TIA1: variants seen among roughly 807,000 people sequenced by gnomAD.
TIA1 encodes the protein cytotoxic granule associated RNA binding protein TIA1.
TIA1 carries 23 observed loss-of-function variants against 65.9 expected under a neutral mutation model. The ratio of observed to expected loss-of-function variants is 0.35; its 90% CI spans 0.25 to 0.49. The LOEUF (loss-of-function observed/expected upper bound fraction) is 0.49. Ranked by LOEUF, TIA1 falls within the 20% of genes least tolerant of loss-of-function variation. TIA1 has a pLI of 0.98. For missense variants in TIA1, 371 were observed against 477.9 expected, an observed-to-expected ratio of 0.78 and a Z score of 2.09; for synonymous variants, 147 against 149.4, an observed-to-expected ratio of 0.98 and a Z score of 0.12.
rs775795178 is a variant in TIA1 at position 70,230,863 on chromosome 2, G to A, written c.124-9C>T. On this transcript the variant is annotated splice_polypyrimidine_tract_variant and intron_variant, in intron 2 of 12. Transcript: ENST00000433529. The stretch of plus-strand genomic sequence containing the variant: ...GGATCATTTCCAGCTGTCTGTGGGA[G>A]AAGAAACACAAAAGCCAATTTTAAG... The A allele has an allele frequency of 3.1e-6, 5 of 1,588,668 alleles. No individual in the cohort carries two copies. Among genetic ancestry groups the A allele is most frequent in the Non-Finnish European group, 4.3e-6 (5 of 1,171,026 alleles).
At chr2:70,242,336 A>G (rs1359695393) in intron 1 of TIA1, among the ~76,000 whole-genome samples, 1 of 151,850 alleles carries the variant, frequency 6.6e-6, no homozygotes, top group Non-Finnish European at 1.5e-5. Flanking sequence ...GTTCGAGATC[A>G]GCCTGGCCAA....
intron 1 of TIA1, among the ~76,000 whole-genome samples, chr2:70,243,656 C>T (rs1266366631): frequency 6.6e-6 from 1 of 152,148 alleles, no homozygotes; most frequent in Non-Finnish European, 1.5e-5. Flanking sequence ...TAAGGGATAT[C>T]GATCCTCAAG....
chr2:70,213,043 T>A (rs895926303), intron 12 of TIA1, among the ~76,000 whole-genome samples, 198 bp from the exon 13 acceptor site: 1 of 152,250 alleles, frequency 6.6e-6, no homozygotes, highest in African/African-American at 2.4e-5. Context: ...CATCCCTGTA[T>A]GTTTAATTTG....
At position 70,211,018 on chromosome 2, in the gene TIA1, T is replaced by C. The variant is rs896106368; in HGVS notation, c.*1701A>G. ...TGGCTTAGAGACCAGCTTGGAGTCA[T>C]TTGCCCCTACCCGGGAAATGCAGGC... On this transcript the variant is annotated 3_prime_UTR_variant, in exon 13 of 13. Coordinates refer to ENST00000433529, the MANE Select transcript of TIA1 (RefSeq NM_022173.4). 2.0e-5 allele frequency: 3 copies of C among 152,306 alleles called. No individual in the cohort carries two copies. The highest frequency in any genetic ancestry group is 7.2e-5 in the African/African-American group (3 of 41,568). The allele number at this position is 152,306 out of a possible 1,614,324, so 9.4% of individuals were successfully genotyped here.
chr2:70,244,834 CAA>C (rs70956958), intron 1 of TIA1, among the ~76,000 whole-genome samples: 4,843 of 53,016 alleles, frequency 0.091, 27 homozygotes, highest in East Asian at 0.25. Flanking sequence ...GACTCTGTCT[CAA>C]AAAAAAAAAA....
At chr2:70,239,086 G>A (rs964824426) in intron 1 of TIA1, among the ~76,000 whole-genome samples, 1 of 151,852 alleles carries the variant, frequency 6.6e-6, no homozygotes, top group Non-Finnish European at 1.5e-5. Flanking sequence ...GAAAATAAAG[G>A]TTTTACTATT....
intron 7 of TIA1, among the ~76,000 whole-genome samples, chr2:70,224,214 G>A (rs1311295698): frequency 1.3e-5 from 2 of 152,138 alleles, no homozygotes; most frequent in South Asian, 2.1e-4. Context: ...CACTGCGTCC[G>A]GCCTCCTCAC....
chr2:70,219,784 C>T (rs1386837780), intron 7 of TIA1, among the ~76,000 whole-genome samples: 4 of 147,558 alleles, frequency 2.7e-5, no homozygotes, highest in Non-Finnish European at 5.9e-5. Context: ...TTGCTGTTGC[C>T]CAGGCTGGTT....
intron 7 of TIA1, among the ~76,000 whole-genome samples, chr2:70,219,843 G>A (rs1275835851): frequency 6.7e-6 from 1 of 148,862 alleles, no homozygotes; most frequent in African/African-American, 2.5e-5. Context: ...GCCTCCCAAA[G>A]TTCTGTTATT....
chr2:70,247,542 C>T (rs1694915636), intron 1 of TIA1, among the ~76,000 whole-genome samples: 1 of 152,142 alleles, frequency 6.6e-6, no homozygotes, highest in Non-Finnish European at 1.5e-5. Context: ...GCAGGATCAA[C>T]TCATCCGATA....
chr2:70,247,427 C>CTT (rs1350841813), intron 1 of TIA1, among the ~76,000 whole-genome samples: 93 of 152,216 alleles, frequency 6.1e-4, no homozygotes, highest in Non-Finnish European at 3.2e-4. Context: ...TCTCAAACTG[C>CTT]CAGTATTCCA....
chr2:70,242,150 C>T (rs1163007646), intron 1 of TIA1, among the ~76,000 whole-genome samples: 1 of 152,002 alleles, frequency 6.6e-6, no homozygotes, highest in African/African-American at 2.4e-5. Flanking sequence ...CATTCTTCCG[C>T]AAAACCCTCC....
At chr2:70,247,671 C>T (rs1480794800) in intron 1 of TIA1, among the ~76,000 whole-genome samples, 1 of 152,108 alleles carries the variant, frequency 6.6e-6, no homozygotes, top group Non-Finnish European at 1.5e-5. Context: ...GCATTTACAG[C>T]CCGCTCGTTC....
intron 7 of TIA1, among the ~76,000 whole-genome samples, chr2:70,221,032 A>G (rs1681067453): frequency 6.6e-6 from 1 of 151,986 alleles, no homozygotes; most frequent in Admixed American, 6.6e-5. Context: ...TTTGAGACGG[A>G]GTCTCACTCT....
intron 7 of TIA1, among the ~76,000 whole-genome samples, chr2:70,222,115 C>G (rs1397817033): frequency 1.3e-5 from 2 of 150,928 alleles, no homozygotes; most frequent in Non-Finnish European, 2.9e-5. Context: ...AATAAAGCTG[C>G]TGTTAAAACA....
At position 70,211,604 on chromosome 2, in the gene TIA1, A is replaced by C. The variant is rs1470521682; in HGVS notation, c.*1115T>G. On this transcript the variant is annotated 3_prime_UTR_variant, in exon 13 of 13. Transcript: ENST00000433529. ...TCTTTTTGAGCAAATCTACCTAGAAAACGGCAAATTAATATATTCCTTTAC... is the reference window on the plus strand; with the variant it reads ...TCTTTTTGAGCAAATCTACCTAGAACACGGCAAATTAATATATTCCTTTAC... 6.6e-6 allele frequency: 1 copy of C among 152,546 alleles called. No homozygotes were observed. Among genetic ancestry groups the C allele is most frequent in the Non-Finnish European group, 1.5e-5 (1 of 68,036 alleles). 9.4% of individuals were successfully genotyped at this position (152,546 alleles called of 1,614,324 possible). A position where few individuals can be genotyped will look rare whatever the true frequency, so the allele number is the denominator to read the frequency against.
chr2:70,227,746 A>C lies in TIA1; in HGVS notation c.387T>G (p.Phe129Leu). The C allele has an allele frequency of 6.3e-7, 1 of 1,589,416 alleles. No homozygotes were observed. Among genetic ancestry groups the C allele is most frequent in the Non-Finnish European group, 8.6e-7 (1 of 1,165,264 alleles). ...CTTCTGTTACTTACGATATTCTTCC[A>C]AATGGTGCAAAAGCAGCTTTTATAT... ...TEDIKAAFAP[F>L]GRISDARVVK... The change falls in exon 6 of 13, where the codon TTT (phenylalanine) becomes TTG (leucine). Residue 129 changes from phenylalanine to leucine, a missense_variant. Coordinates refer to ENST00000433529, the MANE Select transcript of TIA1 (RefSeq NM_022173.4).
chr2:70,234,330 G>A (rs906505306), intron 2 of TIA1, among the ~76,000 whole-genome samples: 6 of 152,124 alleles, frequency 3.9e-5, no homozygotes, highest in Admixed American at 6.5e-5. Context: ...CTAGATTAAG[G>A]AAAGACTGGT....
At chr2:70,231,248 G>T (rs894006374) in intron 2 of TIA1, among the ~76,000 whole-genome samples, 3 of 152,160 alleles carry the variant, frequency 2.0e-5, no homozygotes, top group African/African-American at 7.2e-5. Flanking sequence ...GTTGCAGTAA[G>T]CTGAGACTGC....
Sources: gnomAD v4.1 joint callset for allele counts (sites outside exome capture counted in the v4.1 genomes callset) on GRCh38, gnomAD v4.1.1 for gene constraint, MANE v1.5 for transcripts, NCBI Gene and HGNC (gene_info 2026-07-23, HGNC 2026-07-21) for gene names.